Variants in PCDHGA8 observed in about 807,000 individuals in gnomAD.
PCDHGA8 encodes the protein protocadherin gamma-A8.
In PCDHGA8, 45 loss-of-function variants were observed where a neutral mutation model predicts 59.2. The observed-to-expected ratio is 0.76, with a 90% CI of 0.60 to 0.98. PCDHGA8 has a LOEUF of 0.98. Among genes scored for constraint, PCDHGA8 ranks in the 50% least tolerant of loss-of-function variants. The pLI is 0.00. For synonymous variants in PCDHGA8, 531 were observed against 519.0 expected (o/e 1.02, Z -0.32); for missense variants, 1,257 against 1,196.2 (o/e 1.05, Z -0.75).
intron 1 of PCDHGA8, among the ~76,000 whole-genome samples, chr5:141,452,476 C>T (rs968627914): frequency 6.6e-6 from 1 of 152,216 alleles, no homozygotes; most frequent in Admixed American, 6.5e-5. Context: ...AGGAAAAACA[C>T]ACATAAACAC....
In PCDHGA8 at chr5:141,431,788, T is replaced by G. The variant is rs775397713; in HGVS notation, c.2424+36551T>G. 1 of 1,614,190 alleles carries G rather than the reference T, an allele frequency of 6.2e-7. No homozygotes were observed. The highest frequency in any genetic ancestry group is 1.1e-5 in the South Asian group (1 of 91,080). ...TCACTGTTCTGGACGTGAACGACAA[T>G]GCCCCAGAAGTGGTCCTCACCTCTC... On this transcript the variant is annotated intron_variant, in intron 1 of 3. Coordinates refer to ENST00000398604, the MANE Select transcript of PCDHGA8 (RefSeq NM_032088.2). The surrounding 1 kb of genome is among the most constrained non-coding windows in gnomAD (Gnocchi z 4.8).
At position 141,394,658 on chromosome 5, in the gene PCDHGA8, A is replaced by G. The variant is rs755560495; in HGVS notation, c.1845A>G (p.Gly615=). 6.2e-7 allele frequency: 1 copy of G among 1,610,022 alleles called. No homozygotes were observed. The highest frequency in any genetic ancestry group is 1.1e-5 in the South Asian group (1 of 90,902). The change falls in exon 1 of 4, where the codon GGA becomes GGG. Residue 615 remains glycine, a synonymous_variant. Transcript: ENST00000398604. ...SYRLLKASEP[G]LFSVGLHTGE... ...GCCTGCTCAAGGCCAGCGAGCCGGG[A>G]CTCTTCTCGGTGGGTCTGCACACGG...
Position 141,420,935 on chromosome 5 carries a change from A to G in PCDHGA8, c.2424+25698A>G, listed in dbSNP as rs542779087. ...GTGATTCACAAAGGTGAGCGTAATCATTTCTTCTGGAATTTCTTAGTCGTT... is the reference window on the plus strand; with the variant it reads ...GTGATTCACAAAGGTGAGCGTAATCGTTTCTTCTGGAATTTCTTAGTCGTT... On this transcript the variant is annotated intron_variant, in intron 1 of 3. Coordinates refer to ENST00000398604, the MANE Select transcript of PCDHGA8 (RefSeq NM_032088.2). 2.6e-5 allele frequency: 10 copies of G among 380,486 alleles called. 1 individual carries two copies. Among genetic ancestry groups the G allele is most frequent in the African/African-American group, 1.7e-4 (8 of 47,720 alleles). The allele number at this position is 380,486 out of a possible 1,614,324, so 23.6% of individuals were successfully genotyped here.
chr5:141,468,330 C>CAAAAAAAAAAA (rs533390277), intron 1 of PCDHGA8: 4 of 79,798 alleles, frequency 5.0e-5, no homozygotes, highest in Non-Finnish European at 1.1e-4. Flanking sequence ...AACTCCATCT[C>CAAAAAAAAAAA]AAAAAAAAAA....
intron 1 of PCDHGA8, chr5:141,399,995 G>T (rs1042095164): frequency 1.9e-6 from 3 of 1,612,094 alleles, no homozygotes; most frequent in Non-Finnish European, 2.5e-6. Context: ...GGAGAGGTGC[G>T]CACAGCGCGT....
chr5:141,495,199 G>A (rs1205495643), intron 2 of PCDHGA8, among the ~76,000 whole-genome samples: 1 of 152,164 alleles, frequency 6.6e-6, no homozygotes, highest in African/African-American at 2.4e-5. Context: ...CCCATGTACT[G>A]CCTAACCCCC....
chr5:141,504,287 T>C (rs1191226511), intron 2 of PCDHGA8, among the ~76,000 whole-genome samples: 2 of 152,166 alleles, frequency 1.3e-5, no homozygotes, highest in Non-Finnish European at 2.9e-5. Flanking sequence ...AATCATTTCA[T>C]GTTTTTTCAA....
chr5:141,399,611 T>A, intron 1 of PCDHGA8: 2 of 1,613,930 alleles, frequency 1.2e-6, no homozygotes, highest in Non-Finnish European at 1.7e-6. Flanking sequence ...CTAGAGCCTC[T>A]GGCACTGGCC....
At chr5:141,406,177 A>G (rs929841923) in intron 1 of PCDHGA8, among the ~76,000 whole-genome samples, 2 of 151,308 alleles carry the variant, frequency 1.3e-5, no homozygotes. Flanking sequence ...GGCTTATGCA[A>G]TCCTCCCACC....
intron 1 of PCDHGA8, chr5:141,420,165 C>T: frequency 6.2e-7 from 1 of 1,614,022 alleles, no homozygotes; most frequent in South Asian, 1.1e-5. Flanking sequence ...AATTTTTTCA[C>T]ATCTGTTGAT....
At chr5:141,414,320 A>C (rs372261571) in intron 1 of PCDHGA8, 7 of 1,613,840 alleles carry the variant, frequency 4.3e-6, no homozygotes, top group Non-Finnish European at 5.9e-6. Flanking sequence ...GACTCTGAGC[A>C]GAATGGACAG....
At position 141,508,909 on chromosome 5, in the gene PCDHGA8, G is replaced by A. The variant is rs545345992; in HGVS notation, c.2573-2038G>A. ...GAGGGGAGGGGGCGGGGCGGTGGCG[G>A]ATCTGGCTTCCTTTTGGAGTTAATT... is the stretch of plus-strand genomic sequence containing the variant. On this transcript the variant is annotated intron_variant, in intron 3 of 3. Coordinates refer to ENST00000398604, the MANE Select transcript of PCDHGA8 (RefSeq NM_032088.2). 2.0e-5 allele frequency among the ~76,000 whole-genome samples: 3 copies of A among 152,202 alleles called. No homozygotes were observed. The South Asian group carries it at 6.2e-4, about 32-fold the overall frequency.
At chr5:141,430,883 G>T in intron 1 of PCDHGA8, 1 of 1,601,036 alleles carries the variant, frequency 6.2e-7, no homozygotes, top group Non-Finnish European at 8.5e-7. Context: ...GCTGGAGAAA[G>T]GCTCTAGGGT....
rs532675537 is a variant in PCDHGA8, at chr5:141,508,584, T to C, written c.2573-2363T>C. Among the ~76,000 whole-genome samples, 87 of 152,266 alleles carry C rather than the reference T, an allele frequency of 5.7e-4. 1 individual carries two copies. Among genetic ancestry groups the C allele is most frequent in the African/African-American group, 1.6e-3 (66 of 41,552 alleles). On this transcript the variant is annotated intron_variant, in intron 3 of 3. Coordinates refer to ENST00000398604, the MANE Select transcript of PCDHGA8 (RefSeq NM_032088.2). The stretch of plus-strand genomic sequence containing the variant: ...TGTCACTTGCACCCACTCGGGGTGC[T>C]ACTCAGAGATCTTGGGTGCACATAG...
intron 1 of PCDHGA8, chr5:141,478,043 A>G (rs1399496347): frequency 7.4e-6 from 12 of 1,613,710 alleles, no homozygotes; most frequent in Non-Finnish European, 1.0e-5. Flanking sequence ...ACCCAGGCAG[A>G]CTCTCACGGT....
intron 1 of PCDHGA8, chr5:141,404,392 T>C (rs759142051): frequency 3.1e-6 from 5 of 1,613,820 alleles, no homozygotes; most frequent in African/African-American, 1.3e-5. Flanking sequence ...ATGACCCTGA[T>C]AGCAATGAGA....
At position 141,491,518 on chromosome 5, in the gene PCDHGA8, A is replaced by G. The variant is rs756813813; in HGVS notation, c.2425-3289A>G. 3 of 1,613,990 alleles carry G rather than the reference A, an allele frequency of 1.9e-6. No individual in the cohort carries two copies. The highest frequency in any genetic ancestry group is 3.3e-5 in the Admixed American group (2 of 60,028). ...GAGCTCGGACGGCACGCTCAAGTAC[A>G]TGGAGGTGACGCTGCGGCCCACAGA... On this transcript the variant is annotated intron_variant, in intron 1 of 3. Transcript: ENST00000398604. This position sits in a 1 kb window ranked among gnomAD's most constrained non-coding sequence, Gnocchi z 6.9.
intron 1 of PCDHGA8, among the ~76,000 whole-genome samples, chr5:141,463,990 G>A (rs2099073582): frequency 6.6e-6 from 1 of 151,990 alleles, no homozygotes; most frequent in Non-Finnish European, 1.5e-5. Flanking sequence ...TAAAAACCAG[G>A]TGCAGTGGCT....
At chr5:141,418,068 C>T (rs1292846589) in intron 1 of PCDHGA8, 4 of 1,614,002 alleles carry the variant, frequency 2.5e-6, no homozygotes, top group Non-Finnish European at 3.4e-6. Flanking sequence ...CGAGTGAGCG[C>T]GGAGAAGCTG....
Sources: gnomAD v4.1 joint callset for allele counts (sites outside exome capture counted in the v4.1 genomes callset) on GRCh38, gnomAD v4.1.1 for gene constraint, Gnocchi (gnomAD v3.1) non-coding constraint, MANE v1.5 for transcripts, NCBI Gene and HGNC (gene_info 2026-07-23, HGNC 2026-07-21) for gene names.